CENPW: variants seen among roughly 807,000 people sequenced by gnomAD.
CENPW encodes the protein cancer-up-regulated gene 2 protein.
A neutral mutation model predicts 11.1 loss-of-function variants in CENPW; 3 were observed. The observed-to-expected ratio is 0.27, with a 90% CI of 0.12 to 0.70. CENPW has a LOEUF of 0.70. CENPW is among the 30% of genes least tolerant of loss of function. The pLI, the probability that CENPW is intolerant of heterozygous loss-of-function variation, is 0.77. For synonymous variants in CENPW, 38 were observed against 42.0 expected, an observed-to-expected ratio of 0.91 and a Z score of 0.37; for missense variants, 100 against 105.6, an observed-to-expected ratio of 0.95 and a Z score of 0.23.
chr6:126,390,250 C>T, the CENPW span, among the ~76,000 whole-genome samples: 1 of 151,860 alleles, frequency 6.6e-6, no homozygotes, highest in African/African-American at 2.4e-5. Context: ...AACTGGTCTC[C>T]CCATATCTGT....
the CENPW span, among the ~76,000 whole-genome samples, chr6:126,417,987 G>A: frequency 2.0e-5 from 3 of 152,126 alleles, no homozygotes; most frequent in Admixed American, 1.3e-4. Flanking sequence ...ATGGCTAGAA[G>A]CACATGAAAA....
chr6:126,369,272 T>A, the CENPW span, among the ~76,000 whole-genome samples: 1 of 152,200 alleles, frequency 6.6e-6, no homozygotes, highest in Non-Finnish European at 1.5e-5. Flanking sequence ...CTTTTTCATG[T>A]AACGACTCCT....
rs764306077 is a variant in CENPW, at chr6:126,340,365, C to G, written c.92C>G (p.Pro31Arg). 111 of 1,614,048 alleles carry G rather than the reference C, an allele frequency of 6.9e-5. No homozygotes were observed. Among genetic ancestry groups the G allele is most frequent in the Non-Finnish European group, 9.3e-5 (110 of 1,180,022 alleles). The change falls in exon 1 of 3, where the codon CCT becomes CGT. Residue 31 changes from proline (P) to arginine (R), a missense_variant. By Grantham distance (103) the Pro-to-Arg change is moderately radical (BLOSUM62 -2). Transcript: ENST00000368328. Reference protein sequence around the residue: ...FLKRVFKRKKPQLRLEKSGDL... With the variant: ...FLKRVFKRKKRQLRLEKSGDL... ...AAGCGAGTCTTCAAGCGAAAGAAGC[C>G]TCAACTTCGTCTGGAGAAAAGTGGT...
chr6:126,371,835 A>G, the CENPW span, among the ~76,000 whole-genome samples: 1 of 152,058 alleles, frequency 6.6e-6, no homozygotes, highest in Non-Finnish European at 1.5e-5. Context: ...AGAATTTCTT[A>G]TCTCCTCTAG....
the CENPW span, among the ~76,000 whole-genome samples, chr6:126,421,275 A>G: frequency 6.6e-6 from 1 of 151,786 alleles, no homozygotes; most frequent in East Asian, 1.9e-4. Flanking sequence ...TTCCTTTTAA[A>G]CTCATATTAT....
At chr6:126,402,301 C>T in the CENPW span, among the ~76,000 whole-genome samples, 8 of 150,720 alleles carry the variant, frequency 5.3e-5, no homozygotes, top group South Asian at 2.1e-4. Context: ...TCCTCCATTC[C>T]TCTCCCTTCT....
the CENPW span, among the ~76,000 whole-genome samples, chr6:126,472,710 AT>A: frequency 6.6e-6 from 1 of 152,218 alleles, no homozygotes; most frequent in African/African-American, 2.4e-5. Context: ...ATTTAAGTCT[AT>A]AAGAAACTGA....
the CENPW span, among the ~76,000 whole-genome samples, chr6:126,471,294 A>G: frequency 7.2e-5 from 11 of 152,060 alleles, no homozygotes; most frequent in Non-Finnish European, 1.6e-4. Flanking sequence ...GATTCCCTGC[A>G]TGCACTCTCT....
chr6:126,435,437 G>GT, the CENPW span, among the ~76,000 whole-genome samples: 5 of 151,452 alleles, frequency 3.3e-5, no homozygotes, highest in East Asian at 9.7e-4. Context: ...TATATCTTTT[G>GT]TTTTTTCTGC....
chr6:126,391,417 G>C, the CENPW span, among the ~76,000 whole-genome samples: 1 of 151,722 alleles, frequency 6.6e-6, no homozygotes, highest in African/African-American at 2.4e-5. Flanking sequence ...CAGTTCTGTG[G>C]GTTGCCTTTT....
chr6:126,401,963 T>G, the CENPW span, among the ~76,000 whole-genome samples: 2 of 152,092 alleles, frequency 1.3e-5, no homozygotes, highest in Non-Finnish European at 1.5e-5. Context: ...GCATCCCATG[T>G]TAACCCTCAG....
the CENPW span, among the ~76,000 whole-genome samples, chr6:126,452,632 A>G: frequency 1.6e-4 from 24 of 151,082 alleles, no homozygotes; most frequent in Non-Finnish European, 3.0e-5. Flanking sequence ...CAGCCCCAGG[A>G]ACCTGTGGAG....
the CENPW span, among the ~76,000 whole-genome samples, chr6:126,474,228 T>A: frequency 6.6e-6 from 1 of 152,064 alleles, no homozygotes; most frequent in East Asian, 1.9e-4. Flanking sequence ...AAGGCAAAGA[T>A]GCCCATTTCC....
At chr6:126,479,888 T>A in the CENPW span, among the ~76,000 whole-genome samples, 1 of 152,006 alleles carries the variant, frequency 6.6e-6, no homozygotes, top group Admixed American at 6.6e-5. Flanking sequence ...ACTCTTTTTT[T>A]TCTTAAGATT....
intron 1 of CENPW, among the ~76,000 whole-genome samples, chr6:126,343,862 C>CCT (rs1161406697): frequency 6.6e-6 from 1 of 152,186 alleles, no homozygotes; most frequent in Non-Finnish European, 1.5e-5. Context: ...GGCAGCACCA[C>CCT]CTACACACAC....
chr6:126,437,518 A>C, the CENPW span, among the ~76,000 whole-genome samples: 6 of 151,914 alleles, frequency 3.9e-5, no homozygotes, highest in Non-Finnish European at 7.4e-5. Context: ...TTTGAGCAAA[A>C]ATACAGCTTG....
At chr6:126,443,223 A>T in the CENPW span, among the ~76,000 whole-genome samples, 1 of 151,212 alleles carries the variant, frequency 6.6e-6, no homozygotes, top group African/African-American at 2.4e-5. Context: ...CAATTTTTTG[A>T]CATGTATCTT....
At chr6:126,422,652 T>C in the CENPW span, among the ~76,000 whole-genome samples, 1 of 152,110 alleles carries the variant, frequency 6.6e-6, no homozygotes, top group African/African-American at 2.4e-5. Context: ...CATCGTTTTT[T>C]ACCATTCAGC....
At chr6:126,381,209 T>C in the CENPW span, among the ~76,000 whole-genome samples, 184 of 152,342 alleles carry the variant, frequency 1.2e-3, no homozygotes, top group African/African-American at 4.1e-3. Flanking sequence ...TTGAATGTTT[T>C]TGTTTTTGTC....
Sources: gnomAD v4.1 joint callset for allele counts (sites outside exome capture counted in the v4.1 genomes callset) on GRCh38, gnomAD v4.1.1 for gene constraint, MANE v1.5 for transcripts, NCBI Gene and HGNC (gene_info 2026-07-23, HGNC 2026-07-21) for gene names.